STRIP2: variants seen among roughly 807,000 people sequenced by gnomAD.
STRIP2 encodes the protein striatin interacting protein 2, also known as striatin-interacting protein 2.
A neutral mutation model predicts 107.1 loss-of-function variants in STRIP2; 84 were observed. The ratio of observed to expected loss-of-function variants is 0.78; its 90% confidence interval spans 0.66 to 0.94. STRIP2 has a LOEUF of 0.94. Ranked by LOEUF, STRIP2 falls within the 40% of genes least tolerant of loss-of-function variation. The pLI, the probability that STRIP2 is intolerant of heterozygous loss-of-function variation, is 0.00. For missense variants in STRIP2, 888 were observed against 1,034.2 expected, an observed-to-expected ratio of 0.86 and a Z score of 1.94; for synonymous variants, 394 against 400.4, an observed-to-expected ratio of 0.98 and a Z score of 0.19.
At chr7:129,444,226 G>T in intron 3 of STRIP2, 128 bp downstream of exon 3, 2 of 643,602 alleles carry the variant, frequency 3.1e-6, no homozygotes, top group African/African-American at 1.8e-5. Context: ...TCTCTTAGAG[G>T]GATAGAACTA....
chr7:129,472,877 C>T (rs769010623), intron 18 of STRIP2, among the ~76,000 whole-genome samples: 5 of 138,206 alleles, frequency 3.6e-5, no homozygotes, highest in South Asian at 2.4e-4. Context: ...ACCTCTGCCT[C>T]GTGAGTCCAA....
chr7:129,445,199 A>C (rs942034760), intron 3 of STRIP2, among the ~76,000 whole-genome samples: 1 of 152,150 alleles, frequency 6.6e-6, no homozygotes, highest in Non-Finnish European at 1.5e-5. Context: ...AGACGCCCTA[A>C]TGGATCTCCT....
chr7:129,453,285 C>T lies in STRIP2; in HGVS notation c.468C>T (p.Cys156=). ...TGCTACACTGGTCCAGGTACAACTG[C>T]TTCCTGCTGTATCAGATGGGGACCT... is the stretch of plus-strand genomic sequence containing the variant. ...VDVLHWSRYN[C]FLLYQMGTFS... is the part of the protein sequence containing the mutation. The change falls in exon 5 of 21, where the codon TGC becomes TGT. Residue 156 remains cysteine (C), a synonymous_variant. Transcript: ENST00000249344. 6.2e-7 allele frequency: 1 copy of T among 1,614,170 alleles called. No individual in the cohort carries two copies. The highest frequency in any genetic ancestry group is 8.5e-7 in the Non-Finnish European group (1 of 1,180,020).
chr7:129,449,843 T>C (rs1798134887), intron 3 of STRIP2, among the ~76,000 whole-genome samples: 1 of 152,204 alleles, frequency 6.6e-6, no homozygotes, highest in Non-Finnish European at 1.5e-5. Context: ...CTTAGCAGAT[T>C]TGAGGCTCAG....
rs977653442 is a variant in STRIP2, at chr7:129,459,459, G to T, written c.1341-58G>T. ...CTGTTGACTCTAGGGGGGTATTGGG[G>T]TATCAGTAGTTCTCGTACTTTGGAA... On this transcript the variant is annotated intron_variant, in intron 11 of 20. Coordinates refer to ENST00000249344, the MANE Select transcript of STRIP2 (RefSeq NM_020704.3). The T allele has an allele frequency of 2.8e-6, 4 of 1,435,528 alleles. 1 individual carries two copies. The South Asian group carries it at 4.6e-5, about 16-fold the overall frequency. 88.9% of individuals were successfully genotyped at this position (1,435,528 alleles called of 1,614,324 possible).
chr7:129,462,313 G>A (rs1335534414), intron 13 of STRIP2, among the ~76,000 whole-genome samples: 3 of 152,202 alleles, frequency 2.0e-5, no homozygotes, highest in African/African-American at 7.2e-5. Flanking sequence ...TCATGGCAGT[G>A]GCCCCTTGCC....
At chr7:129,435,605 G>A (rs554308878) in intron 1 of STRIP2, among the ~76,000 whole-genome samples, 2 of 152,220 alleles carry the variant, frequency 1.3e-5, no homozygotes, top group African/African-American at 4.8e-5. Context: ...GGCACATTAC[G>A]GAACCTCTCT....
chr7:129,450,058 ACT>A (rs1426571518), intron 3 of STRIP2, among the ~76,000 whole-genome samples: 1 of 152,148 alleles, frequency 6.6e-6, no homozygotes, highest in Non-Finnish European at 1.5e-5. Flanking sequence ...ATTTTGCATA[ACT>A]CTCTAAACAG....
intron 3 of STRIP2, among the ~76,000 whole-genome samples, chr7:129,445,726 C>T (rs1798016811): frequency 6.6e-6 from 1 of 152,186 alleles, no homozygotes; most frequent in South Asian, 2.1e-4. Context: ...TGATGGGGAA[C>T]ATGGTAAGAC....
In STRIP2 at chr7:129,458,515, G is replaced by A; in HGVS notation, c.1274+65G>A. 7.2e-7 allele frequency: 1 copy of A among 1,379,996 alleles called. No individual in the cohort carries two copies. The highest frequency in any genetic ancestry group is 1.5e-5 in the African/African-American group (1 of 68,872). 85.5% of individuals were successfully genotyped at this position (1,379,996 alleles called of 1,614,324 possible). On this transcript the variant is annotated intron_variant, in intron 10 of 20. Transcript: ENST00000249344. The surrounding 1 kb of genome is among the most constrained non-coding windows in gnomAD (Gnocchi z 4.6). Reference sequence around the variant, plus strand: ...TTCAGTCTCCAAAGGCCCAAGATGGGGTAGTCTATGTATTCAAGGCTCGTT... The same window carrying A: ...TTCAGTCTCCAAAGGCCCAAGATGGAGTAGTCTATGTATTCAAGGCTCGTT...
At chr7:129,477,074 C>G (rs1002014986) in intron 18 of STRIP2, among the ~76,000 whole-genome samples, 7 of 151,504 alleles carry the variant, frequency 4.6e-5, no homozygotes, top group African/African-American at 1.7e-4. Flanking sequence ...ACTCGGCAGG[C>G]TGAGGCAGGA....
chr7:129,482,258 C>T (rs935784526), intron 19 of STRIP2, among the ~76,000 whole-genome samples: 1 of 150,734 alleles, frequency 6.6e-6, no homozygotes, highest in African/African-American at 2.4e-5. Context: ...GTGTGGCTGA[C>T]AAAATTTTCT....
Position 129,477,213 on chromosome 7 carries a change from G to GGAGGGA in STRIP2, c.1945-3569_1945-3564dup, listed in dbSNP as rs776416559. Reference sequence around the variant, plus strand: ...GGGAGAGGGAGGGGGAGGGGGAGGGGGAGGGAGACTGTGGGGAGAGGGAGA... The same window carrying GGAGGGA: ...GGGAGAGGGAGGGGGAGGGGGAGGGGGAGGGAGAGGGAGACTGTGGGGAGAGGGAGA... On this transcript the variant is annotated intron_variant, in intron 18 of 20. Coordinates refer to ENST00000249344, the MANE Select transcript of STRIP2 (RefSeq NM_020704.3). 1.2e-3 allele frequency among the ~76,000 whole-genome samples: 36 copies of GGAGGGA among 29,118 alleles called. 2 individuals carry two copies. The East Asian group carries it at 0.056, about 46-fold the overall frequency. The allele number at this position is 29,118 out of a possible 152,430, so 19.1% of individuals were successfully genotyped here.
chr7:129,444,160 C>A, intron 3 of STRIP2, 62 bp downstream of exon 3: 2 of 1,278,094 alleles, frequency 1.6e-6, no homozygotes, highest in South Asian at 2.5e-5. Flanking sequence ...CCAGCCTGAT[C>A]TAGTAAAAGA....
rs1224932693 is a variant in STRIP2, at chr7:129,461,769, G to A, written c.1477-1197G>A. ...AGGAGGTAGATGATATAAAAGTTTT[G>A]TGAAGAGGAGAGAAAGTGGATGGTA... On this transcript the variant is annotated intron_variant, in intron 13 of 20. Transcript: ENST00000249344. The surrounding 1 kb of genome is among the most constrained non-coding windows in gnomAD (Gnocchi z 4.0). 6.6e-6 allele frequency among the ~76,000 whole-genome samples: 1 copy of A among 152,208 alleles called. No homozygotes were observed. Among genetic ancestry groups the A allele is most frequent in the African/African-American group, 2.4e-5 (1 of 41,436 alleles).
rs759902300 is a variant in STRIP2 at position 129,440,063 on chromosome 7, T to C, written c.171T>C (p.Asp57=). The stretch of plus-strand genomic sequence containing the variant: ...CCACTCTGGAGTTTGAGTATGGAGA[T>C]GCAGATGGGCATGCAGCCGAGTTGT... The part of the protein sequence containing the change: ...DCPTLEFEYG[D]ADGHAAELSE... Residue 57 remains aspartate (D), a synonymous_variant, in exon 2 of 21, where the codon GAT becomes GAC. Coordinates refer to ENST00000249344, the MANE Select transcript of STRIP2 (RefSeq NM_020704.3). 8 of 1,614,026 alleles carry C rather than the reference T, an allele frequency of 5.0e-6. No homozygotes were observed. The African/African-American group carries it at 9.3e-5, about 19-fold the overall frequency.
At chr7:129,478,155 GT>G in intron 18 of STRIP2, 1 of 244,476 alleles carries the variant, frequency 4.1e-6, no homozygotes. Flanking sequence ...CAAAGAGCCT[GT>G]TTTACTATGA....
chr7:129,469,976 G>A (rs570352720), intron 17 of STRIP2, among the ~76,000 whole-genome samples: 1 of 152,316 alleles, frequency 6.6e-6, no homozygotes, highest in African/African-American at 2.4e-5. Flanking sequence ...GAAAGAGACA[G>A]CTGTCATTTA....
intron 8 of STRIP2, 99 bp from the exon 9 acceptor site, chr7:129,456,340 G>A (rs937048519): frequency 2.0e-5 from 21 of 1,037,102 alleles, no homozygotes; most frequent in Non-Finnish European, 1.9e-5. Context: ...AGGGACTGGA[G>A]GTTGTGGCCC....
Sources: allele counts gnomAD v4.1 joint callset (sites outside exome capture counted in the v4.1 genomes callset), GRCh38; gene constraint gnomAD v4.1.1; non-coding constraint Gnocchi (gnomAD v3.1); transcripts MANE v1.5; gene names NCBI Gene and HGNC (gene_info 2026-07-23, HGNC 2026-07-21).